Variants in TPH2 observed in about 807,000 individuals in gnomAD.
TPH2 encodes the protein tryptophan 5-hydroxylase 2.
TPH2 carries 27 observed loss-of-function variants against 59.1 expected under a neutral mutation model. The ratio of observed to expected loss-of-function variants is 0.46; its 90% CI spans 0.34 to 0.63. The LOEUF is 0.63. TPH2 is among the 30% of genes least tolerant of loss of function. The probability of loss-of-function intolerance (pLI) is 0.01; values close to 1 mark genes in which losing one functional copy is unlikely to be tolerated. For synonymous variants in TPH2, 220 were observed against 210.5 expected (o/e 1.05, Z -0.39); for missense variants, 523 against 588.3 (o/e 0.89, Z 1.15).
chr12:72,012,806 T>G (rs1873135447), intron 8 of TPH2, among the ~76,000 whole-genome samples: 1 of 152,174 alleles, frequency 6.6e-6, no homozygotes, highest in Non-Finnish European at 1.5e-5. Flanking sequence ...TTTCTTCTTT[T>G]TTTTTATTTT....
At chr12:71,995,546 C>T (rs1247018206) in intron 8 of TPH2, among the ~76,000 whole-genome samples, 1 of 152,020 alleles carries the variant, frequency 6.6e-6, no homozygotes, top group Non-Finnish European at 1.5e-5. Flanking sequence ...CTTTTGTTTC[C>T]TACTTTTGAT....
At chr12:71,990,040 A>G (rs951275637) in intron 7 of TPH2, among the ~76,000 whole-genome samples, 2 of 151,880 alleles carry the variant, frequency 1.3e-5, no homozygotes, top group Non-Finnish European at 1.5e-5. Flanking sequence ...AACAGAGCAC[A>G]TTTGTGAAAA....
At chr12:71,961,849 A>T (rs1411373963) in intron 5 of TPH2, 1 of 1,160,700 alleles carries the variant, frequency 8.6e-7, no homozygotes, top group African/African-American at 1.6e-5. Context: ...GTTCTCCCTG[A>T]GGCTCCTTAG....
intron 5 of TPH2, 31 bp from the exon 6 acceptor site, chr12:71,972,488 A>G (rs1304170393): frequency 2.5e-6 from 4 of 1,606,832 alleles, no homozygotes; most frequent in East Asian, 2.2e-5. Flanking sequence ...ATTCAAAGTT[A>G]GATTCATTTA....
intron 4 of TPH2, among the ~76,000 whole-genome samples, chr12:71,947,931 G>A (rs972657121): frequency 2.0e-5 from 3 of 152,150 alleles, no homozygotes; most frequent in Non-Finnish European, 4.4e-5. Context: ...GGCAGGAACC[G>A]GGGAACAGAT....
chr12:72,031,165 A>C, intron 9 of TPH2, 93 bp from the exon 10 acceptor site: 2 of 1,528,844 alleles, frequency 1.3e-6, no homozygotes, highest in Non-Finnish European at 1.8e-6. Flanking sequence ...CTGTAGGATT[A>C]CCGAGCTATC....
At chr12:71,980,126 T>A (rs1022011527) in intron 7 of TPH2, among the ~76,000 whole-genome samples, 5 of 152,084 alleles carry the variant, frequency 3.3e-5, no homozygotes, top group Admixed American at 2.0e-4. Context: ...AGCAAAGACT[T>A]GAATGTGTAT....
intron 7 of TPH2, among the ~76,000 whole-genome samples, chr12:71,985,655 C>T (rs915077342): frequency 2.6e-5 from 4 of 152,124 alleles, no homozygotes; most frequent in Non-Finnish European, 5.9e-5. Flanking sequence ...CCTCGGCCTC[C>T]CAAAGTGCTG....
intron 8 of TPH2, among the ~76,000 whole-genome samples, chr12:72,017,164 TGTGGACTTG>T (rs1470129393): frequency 3.3e-5 from 5 of 152,252 alleles, no homozygotes; most frequent in African/African-American, 4.8e-5. Flanking sequence ...ATTCTGTGTC[TGTGGACTTG>T]GTCCCTTCAA....
chr12:72,029,087 A>G (rs1369325402), intron 9 of TPH2, among the ~76,000 whole-genome samples: 2 of 152,150 alleles, frequency 1.3e-5, no homozygotes, highest in Admixed American at 6.5e-5. Context: ...TTGCATACAC[A>G]CCTCTGGAGG....
intron 1 of TPH2, among the ~76,000 whole-genome samples, chr12:71,940,169 A>G (rs912723125): frequency 2.0e-5 from 3 of 152,232 alleles, no homozygotes; most frequent in Non-Finnish European, 4.4e-5. Context: ...AAAACAAAGT[A>G]AGCTCAGGGT....
At chr12:71,985,082 T>C (rs1347757879) in intron 7 of TPH2, among the ~76,000 whole-genome samples, 1 of 152,208 alleles carries the variant, frequency 6.6e-6, no homozygotes, top group African/African-American at 2.4e-5. Context: ...TTAAGTGTAA[T>C]GTATGGATGG....
At chr12:71,968,976 T>C (rs1871894120) in intron 5 of TPH2, among the ~76,000 whole-genome samples, 1 of 152,220 alleles carries the variant, frequency 6.6e-6, no homozygotes, top group South Asian at 2.1e-4. Context: ...CATTACAACA[T>C]AGGCCCATAG....
At chr12:71,968,203 C>T (rs1044472181) in intron 5 of TPH2, among the ~76,000 whole-genome samples, 1 of 152,194 alleles carries the variant, frequency 6.6e-6, no homozygotes, top group Non-Finnish European at 1.5e-5. Context: ...GGAGACCACT[C>T]CCTCACCTCC....
At chr12:72,023,538 T>G (rs1592416694) in intron 9 of TPH2, among the ~76,000 whole-genome samples, 1 of 152,056 alleles carries the variant, frequency 6.6e-6, no homozygotes, top group East Asian at 1.9e-4. Context: ...TGATGAAGAA[T>G]AAGAAGAAAG....
At chr12:71,964,522 C>T (rs1427457177) in intron 5 of TPH2, 1 of 983,840 alleles carries the variant, frequency 1.0e-6, no homozygotes, top group African/African-American at 1.8e-5. Context: ...AATATTTTTC[C>T]AGTCTCAGAG....
At chr12:71,954,127 C>A (rs1441499513) in intron 5 of TPH2, among the ~76,000 whole-genome samples, 1 of 152,002 alleles carries the variant, frequency 6.6e-6, no homozygotes, top group Non-Finnish European at 1.5e-5. Flanking sequence ...GATGAAAAAA[C>A]AGCAGGCTCA....
rs144462911 is a variant in TPH2, at chr12:72,028,312, A to C, written c.1165-2946A>C. 6.6e-5 allele frequency among the ~76,000 whole-genome samples: 10 copies of C among 152,334 alleles called. No homozygotes were observed. In the East Asian group the frequency reaches 1.9e-3, roughly 29 times the overall value. ...TCAAGTAGTTTGGTTCAATGTTTAC[A>C]GAGAATCCACTCTGGACATAGAGAA... is the stretch of plus-strand genomic sequence containing the variant. On this transcript the variant is annotated intron_variant, in intron 9 of 10. Coordinates refer to ENST00000333850, the MANE Select transcript of TPH2 (RefSeq NM_173353.4).
intron 8 of TPH2, among the ~76,000 whole-genome samples, chr12:72,004,373 T>C (rs990235): frequency 0.82 from 122,298 of 149,892 alleles, 50,709 homozygotes; most frequent in East Asian, 0.91. Flanking sequence ...ACATTATCTA[T>C]GTCATACCCA....
Sources: gnomAD v4.1 joint callset for allele counts (sites outside exome capture counted in the v4.1 genomes callset) on GRCh38, gnomAD v4.1.1 for gene constraint, MANE v1.5 for transcripts, NCBI Gene and HGNC (gene_info 2026-07-23, HGNC 2026-07-21) for gene names.